Variants in GPALPP1 observed in about 807,000 individuals in gnomAD.
GPALPP1 encodes GPALPP motifs containing 1, also known as GPALPP motifs-containing protein 1.
A neutral mutation model predicts 38.9 loss-of-function variants in GPALPP1; 30 were observed. The ratio of observed to expected loss-of-function variants is 0.77; its 90% CI spans 0.58 to 1.05. GPALPP1 has a LOEUF of 1.05. GPALPP1 is among the 50% of genes least tolerant of loss of function. The pLI is 0.00. For synonymous variants in GPALPP1, 120 were observed against 139.2 expected, an observed-to-expected ratio of 0.86 and a Z score of 0.97; for missense variants, 384 against 408.8, an observed-to-expected ratio of 0.94 and a Z score of 0.52.
chr13:44,990,784 C>T (rs922042931), intron 1 of GPALPP1, among the ~76,000 whole-genome samples: 1 of 152,134 alleles, frequency 6.6e-6, no homozygotes, highest in African/African-American at 2.4e-5. Flanking sequence ...TCTGTCATAA[C>T]CACTTTAAAA....
chr13:45,010,204 C>T (rs1874374288), intron 4 of GPALPP1, among the ~76,000 whole-genome samples: 2 of 152,186 alleles, frequency 1.3e-5, no homozygotes, highest in African/African-American at 4.8e-5. Flanking sequence ...CTTCCTACTC[C>T]TGAGCCTTTA....
At chr13:45,004,173 T>G (rs1873901979) in intron 1 of GPALPP1, 132 bp from the exon 2 acceptor site, 2 of 699,438 alleles carry the variant, frequency 2.9e-6, no homozygotes, top group Non-Finnish European at 4.8e-6. Context: ...CAACAGCAAT[T>G]GAGATTAAAG....
At chr13:45,012,812 A>G (rs1344783930) in intron 4 of GPALPP1, among the ~76,000 whole-genome samples, 1 of 152,156 alleles carries the variant, frequency 6.6e-6, no homozygotes, top group African/African-American at 2.4e-5. Context: ...TTTCTCAAAG[A>G]TGGGCTTTTC....
chr13:45,016,440 C>T (rs1282578142), intron 6 of GPALPP1, among the ~76,000 whole-genome samples: 3 of 151,344 alleles, frequency 2.0e-5, no homozygotes, highest in South Asian at 2.1e-4. Context: ...GGCAACAGAG[C>T]GAGACTCCAT....
In GPALPP1 at chr13:44,989,545, C is replaced by T. The variant is rs1011271236; in HGVS notation, c.-110C>T. 4.0e-6 allele frequency: 6 copies of T among 1,517,426 alleles called. No homozygotes were observed. The African/African-American group carries it at 8.3e-5, about 21-fold the overall frequency. 94.0% of individuals were successfully genotyped at this position (1,517,426 alleles called of 1,614,324 possible). A position where few individuals can be genotyped will look rare whatever the true frequency, so the allele number is the denominator to read the frequency against. The stretch of plus-strand genomic sequence containing the variant: ...GCCAACCACAGGCTTTACGTCATTT[C>T]TCGGCGCCGGGAAACCTGCCATTCT... On this transcript the variant is annotated 5_prime_UTR_variant, in exon 1 of 8. Transcript: ENST00000379151.
downstream of GPALPP1, among the ~76,000 whole-genome samples, chr13:45,032,354 G>A (rs1244133896): frequency 6.6e-6 from 1 of 151,850 alleles, no homozygotes; most frequent in Non-Finnish European, 1.5e-5. Context: ...TTGTTTAGAT[G>A]TAGCAACCAC....
chr13:45,015,597 G>A lies in GPALPP1; in HGVS notation c.705+1G>A. On this transcript the variant is annotated splice_donor_variant, in intron 6 of 7. Transcript: ENST00000379151. LOFTEE classifies it high-confidence loss of function. ...AGCTGATAGGGAAAGGAAAGCTAAG[G>A]TGAGAGGTTTTGTTTGTTTGTTCAT... 1 of 1,477,874 alleles carries A rather than the reference G, an allele frequency of 6.8e-7. No individual in the cohort carries two copies. Among genetic ancestry groups the A allele is most frequent in the South Asian group, 1.5e-5 (1 of 68,656 alleles). The allele number at this position is 1,477,874 out of a possible 1,614,324, so 91.5% of individuals were successfully genotyped here.
In GPALPP1 at chr13:45,026,537, T is replaced by G. The variant is rs143049606; in HGVS notation, c.805-1248T>G. On this transcript the variant is annotated intron_variant, in intron 7 of 7. Transcript: ENST00000379151. The stretch of plus-strand genomic sequence containing the variant: ...TAGATAAAATAAGATACTGTCACTT[T>G]CAGCATTTTTTACTAGTGCCTTGTT... Among the ~76,000 whole-genome samples, 1,403 of 152,364 alleles carry G rather than the reference T, an allele frequency of 9.2e-3. 8 individuals carry two copies. The highest frequency in any genetic ancestry group is 0.014 in the Non-Finnish European group (959 of 68,038).
rs1045634641 is a variant in GPALPP1 at position 45,005,714 on chromosome 13, G to C, written c.222-488G>C. ...ATTTTAGGCCAAAAATAAATTCCAG[G>C]AAAAGACTAGTTACGAACTATTGTC... On this transcript the variant is annotated intron_variant, in intron 2 of 7. Transcript: ENST00000379151. 6.6e-5 allele frequency among the ~76,000 whole-genome samples: 10 copies of C among 152,216 alleles called. No individual in the cohort carries two copies. In the East Asian group the frequency reaches 1.9e-3, roughly 29 times the overall value.
In GPALPP1 at chr13:45,015,550, G is replaced by A. The variant is rs770707629; in HGVS notation, c.659G>A (p.Arg220Gln). ...AGAGCTGATGACACATCTGGAGATC[G>A]ATCAATCTGGACAGATACTCCAGCT... ...KRRADDTSGD[R>Q]SIWTDTPADR... The change falls in exon 6 of 8, where the codon CGA becomes CAA. Residue 220 changes from arginine (R) to glutamine (Q), a missense_variant. By Grantham distance (43) the Arg-to-Gln change is conservative. Transcript: ENST00000379151. 1.1e-5 allele frequency: 18 copies of A among 1,597,456 alleles called. No individual in the cohort carries two copies. The highest frequency in any genetic ancestry group is 7.9e-5 in the South Asian group (7 of 88,312).
intron 6 of GPALPP1, among the ~76,000 whole-genome samples, chr13:45,019,988 G>A (rs529874055): frequency 2.5e-4 from 37 of 145,518 alleles, no homozygotes; most frequent in Non-Finnish European, 3.7e-4. Context: ...AGATTCAAGC[G>A]ATTCTCCTGC....
chr13:45,024,739 C>T (rs1875717360), intron 7 of GPALPP1, among the ~76,000 whole-genome samples: 1 of 151,788 alleles, frequency 6.6e-6, no homozygotes, highest in Non-Finnish European at 1.5e-5. Context: ...CCAGCCTGGC[C>T]AACATGGTGA....
At chr13:45,011,248 C>T (rs1251330545) in intron 4 of GPALPP1, among the ~76,000 whole-genome samples, 2 of 152,046 alleles carry the variant, frequency 1.3e-5, no homozygotes, top group Non-Finnish European at 1.5e-5. Flanking sequence ...CAAAGCTTTG[C>T]GTTGAGCCTA....
intron 7 of GPALPP1, among the ~76,000 whole-genome samples, chr13:45,026,563 A>G (rs1315698421): frequency 6.6e-6 from 1 of 152,046 alleles, no homozygotes; most frequent in Non-Finnish European, 1.5e-5. Flanking sequence ...GTGCCTTGTT[A>G]TTTTGCTTTC....
chr13:45,019,048 A>AATATAAATATATAC (rs1274083362), intron 6 of GPALPP1, among the ~76,000 whole-genome samples: 1 of 14,938 alleles, frequency 6.7e-5, no homozygotes, highest in African/African-American at 1.2e-4. Context: ...GAAATATATA[A>AATATAAATATATAC]ATATAAATAT....
downstream of GPALPP1, chr13:45,034,899 C>T (rs1876353889): frequency 6.7e-6 from 1 of 149,790 alleles, no homozygotes; most frequent in African/African-American, 2.5e-5. Flanking sequence ...CCACACCCGG[C>T]TGATTTCTGT....
At chr13:44,999,168 C>T (rs1029243779) in intron 1 of GPALPP1, among the ~76,000 whole-genome samples, 3 of 152,128 alleles carry the variant, frequency 2.0e-5, no homozygotes, top group Non-Finnish European at 2.9e-5. Flanking sequence ...TTCATTTCAT[C>T]GGAGTTCAAG....
At chr13:45,024,151 G>C (rs1221467680) in intron 7 of GPALPP1, among the ~76,000 whole-genome samples, 9 of 3,196 alleles carry the variant, frequency 2.8e-3, no homozygotes, top group African/African-American at 8.2e-3. Context: ...AAAACTCTGT[G>C]TGTGTGTGTG....
At chr13:45,018,986 CAT>C (rs755044254) in intron 6 of GPALPP1, among the ~76,000 whole-genome samples, 5 of 102,820 alleles carry the variant, frequency 4.9e-5, no homozygotes, top group African/African-American at 2.3e-4. Flanking sequence ...AATATATATA[CAT>C]ATAAATATAT....
Sources: gnomAD v4.1 joint callset for allele counts (sites outside exome capture counted in the v4.1 genomes callset) on GRCh38, gnomAD v4.1.1 for gene constraint, MANE v1.5 for transcripts, NCBI Gene and HGNC (gene_info 2026-07-23, HGNC 2026-07-21) for gene names.